The following GNB4 variants were observed in gnomAD, a reference collection of about 807,000 sequenced individuals.
GNB4 encodes G protein subunit beta 4, also known as guanine nucleotide-binding protein subunit beta-4.
GNB4 carries 28 observed loss-of-function variants against 45.2 expected under a neutral mutation model. That is an observed-to-expected ratio of 0.62 (90% CI 0.46 to 0.85). GNB4 has a LOEUF of 0.85. GNB4 is among the 40% of genes least tolerant of loss of function. GNB4 has a pLI of 0.00. For missense variants in GNB4, 321 were observed against 425.4 expected, an observed-to-expected ratio of 0.75 and a Z score of 2.16; for synonymous variants, 132 against 143.7, an observed-to-expected ratio of 0.92 and a Z score of 0.58.
chr3:179,490,821 C>T, the GNB4 span, among the ~76,000 whole-genome samples: 2 of 152,202 alleles, frequency 1.3e-5, no homozygotes, highest in Non-Finnish European at 2.9e-5. Context: ...TTTGGAAACA[C>T]CCTCACAGAC....
chr3:179,413,470 C>T lies in GNB4; in HGVS notation c.641G>A (p.Arg214Gln). The stretch of plus-strand genomic sequence containing the variant: ...GAAAGACTGTCTACACATTCCATCT[C>T]GAATATCCCATAATTTGGAAGAGGC... ...CDASSKLWDIRDGMCRQSFTG... is the reference protein window; with the variant it reads ...CDASSKLWDIQDGMCRQSFTG... Residue 214 changes from arginine (R) to glutamine (Q), a missense_variant, in exon 8 of 10, where the codon CGA becomes CAA. Coordinates refer to ENST00000232564, the MANE Select transcript of GNB4 (RefSeq NM_021629.4). The T allele has an allele frequency of 6.2e-7, 1 of 1,614,070 alleles. No homozygotes were observed. Among genetic ancestry groups the T allele is most frequent in the East Asian group, 2.2e-5 (1 of 44,866 alleles).
the GNB4 span, among the ~76,000 whole-genome samples, chr3:179,521,324 A>G: frequency 6.6e-6 from 1 of 152,062 alleles, no homozygotes; most frequent in Non-Finnish European, 1.5e-5. Flanking sequence ...CACCTCACCA[A>G]CCTCAGCCAC....
At chr3:179,416,831 G>C (rs1714813873) in intron 4 of GNB4, among the ~76,000 whole-genome samples, 1 of 152,128 alleles carries the variant, frequency 6.6e-6, no homozygotes, top group Non-Finnish European at 1.5e-5. Flanking sequence ...TACAAGATTT[G>C]GGTGGATATT....
the GNB4 span, among the ~76,000 whole-genome samples, chr3:179,524,898 T>A: frequency 6.6e-6 from 1 of 152,126 alleles, no homozygotes; most frequent in African/African-American, 2.4e-5. Context: ...AACTGTAAGC[T>A]GGACCAGGTG....
the GNB4 span, among the ~76,000 whole-genome samples, chr3:179,463,526 G>A: frequency 1.3e-5 from 2 of 152,132 alleles, no homozygotes; most frequent in Non-Finnish European, 2.9e-5. Flanking sequence ...AGCCCTGTAT[G>A]GAAGACTTTA....
intron 1 of GNB4, among the ~76,000 whole-genome samples, chr3:179,442,284 C>T (rs1283815494): frequency 6.6e-6 from 1 of 152,144 alleles, no homozygotes; most frequent in Non-Finnish European, 1.5e-5. Flanking sequence ...AACTATTGTC[C>T]ATGAATTCAT....
the GNB4 span, among the ~76,000 whole-genome samples, chr3:179,515,357 A>G: frequency 2.6e-5 from 4 of 152,242 alleles, no homozygotes; most frequent in East Asian, 1.9e-4. Flanking sequence ...GTGAGCAACA[A>G]GGCTGTTTAT....
the GNB4 span, among the ~76,000 whole-genome samples, chr3:179,481,947 G>A: frequency 6.6e-6 from 1 of 151,716 alleles, no homozygotes; most frequent in Non-Finnish European, 1.5e-5. Flanking sequence ...CTATCACCTA[G>A]GCTGGAGTGC....
intron 8 of GNB4, among the ~76,000 whole-genome samples, chr3:179,408,814 C>G (rs1282106144): frequency 1.5e-5 from 2 of 137,870 alleles, no homozygotes; most frequent in African/African-American, 5.1e-5. Flanking sequence ...AAGAAAGAAA[C>G]TCAAAAAAAA....
intron 1 of GNB4, among the ~76,000 whole-genome samples, chr3:179,445,435 C>T (rs1312789679): frequency 6.6e-6 from 1 of 152,124 alleles, no homozygotes; most frequent in Non-Finnish European, 1.5e-5. Context: ...CAGGCGTACA[C>T]CACCACGCTT....
At chr3:179,401,345 T>C in intron 9 of GNB4, 26 bp from the exon 10 acceptor site, 1 of 1,553,952 alleles carries the variant, frequency 6.4e-7, no homozygotes. Flanking sequence ...AGTAAAAAAT[T>C]GGCAATTGTA....
At chr3:179,497,202 T>A in the GNB4 span, among the ~76,000 whole-genome samples, 1 of 152,080 alleles carries the variant, frequency 6.6e-6, no homozygotes, top group African/African-American at 2.4e-5. Flanking sequence ...GTAAACTCAC[T>A]CTTACATCGT....
intron 1 of GNB4, among the ~76,000 whole-genome samples, chr3:179,447,353 A>AT (rs1480713832): frequency 6.6e-6 from 1 of 150,610 alleles, no homozygotes; most frequent in Non-Finnish European, 1.5e-5. Flanking sequence ...TATTAAAAAA[A>AT]AAAAAAAAAA....
chr3:179,472,369 T>A, the GNB4 span, among the ~76,000 whole-genome samples: 1 of 101,138 alleles, frequency 9.9e-6, no homozygotes, highest in African/African-American at 4.6e-5. Context: ...TTTCTTTCTT[T>A]CTTTTTTTTT....
intron 1 of GNB4, among the ~76,000 whole-genome samples, chr3:179,428,419 G>A (rs754624171): frequency 2.4e-4 from 36 of 152,160 alleles, no homozygotes; most frequent in Non-Finnish European, 4.3e-4. Flanking sequence ...ATCCCATTCC[G>A]CTGAAGTGAA....
chr3:179,416,415 G>A (rs1235362941), intron 5 of GNB4, 78 bp downstream of exon 5: 7 of 803,010 alleles, frequency 8.7e-6, no homozygotes, highest in Non-Finnish European at 1.4e-5. Context: ...TAAGTTTGAG[G>A]TAAAAGAATA....
chr3:179,463,317 C>T, the GNB4 span, among the ~76,000 whole-genome samples: 2 of 152,198 alleles, frequency 1.3e-5, no homozygotes, highest in Non-Finnish European at 2.9e-5. Flanking sequence ...ACTATCTTGT[C>T]TCCCCAAACA....
At chr3:179,509,494 T>C in the GNB4 span, among the ~76,000 whole-genome samples, 1 of 152,136 alleles carries the variant, frequency 6.6e-6, no homozygotes, top group South Asian at 2.1e-4. Flanking sequence ...GTGGTAGCCC[T>C]AGGGGTTGAC....
chr3:179,428,255 T>C (rs1715202471), intron 1 of GNB4, among the ~76,000 whole-genome samples: 3 of 152,160 alleles, frequency 2.0e-5, no homozygotes, highest in Non-Finnish European at 2.9e-5. Context: ...TAATATTCCA[T>C]TTCCAATTTA....
Sources: allele counts gnomAD v4.1 joint callset (sites outside exome capture counted in the v4.1 genomes callset), GRCh38; gene constraint gnomAD v4.1.1; transcripts MANE v1.5; gene names NCBI Gene and HGNC (gene_info 2026-07-23, HGNC 2026-07-21).